Variants in NBAS observed in about 807,000 individuals in gnomAD.
NBAS encodes NBAS subunit of NRZ tethering complex.
In NBAS, 219 loss-of-function variants were observed where a neutral mutation model predicts 302.5. That is an observed-to-expected ratio of 0.72 (90% confidence interval 0.65 to 0.81). The LOEUF (loss-of-function observed/expected upper bound fraction) is 0.81, where lower values mean the gene tolerates loss of function less well. NBAS is among the 30% of genes least tolerant of loss of function. The pLI is 0.00. For synonymous variants in NBAS, 1,118 were observed against 1,021.6 expected (o/e 1.09, Z -1.80); for missense variants, 2,932 against 2,841.6 (o/e 1.03, Z -0.72).
chr2:15,126,549 G>A, the NBAS span, among the ~76,000 whole-genome samples: 97 of 152,246 alleles, frequency 6.4e-4, 1 homozygote, highest in African/African-American at 2.3e-3. Context: ...ACAGATCAGA[G>A]GTACCTCACC....
the NBAS span, among the ~76,000 whole-genome samples, chr2:15,136,028 G>A: frequency 1.9e-4 from 29 of 152,192 alleles, no homozygotes; most frequent in African/African-American, 5.1e-4. Context: ...GAGGGAAAGC[G>A]CCAACACCAA....
At chr2:14,821,167 C>T in the NBAS span, among the ~76,000 whole-genome samples, 10 of 152,226 alleles carry the variant, frequency 6.6e-5, no homozygotes, top group Non-Finnish European at 1.5e-4. Context: ...ACCTCGTGAT[C>T]CGCCCGCCTC....
At chr2:15,244,476 A>G (rs982455683) in intron 44 of NBAS, among the ~76,000 whole-genome samples, 2 of 152,172 alleles carry the variant, frequency 1.3e-5, no homozygotes, top group Non-Finnish European at 2.9e-5. Flanking sequence ...GGAAGCCTTC[A>G]TAATGTCTGT....
chr2:15,144,051 A>ATATATATATTATCC, the NBAS span, among the ~76,000 whole-genome samples: 1 of 136,570 alleles, frequency 7.3e-6, no homozygotes. Context: ...ATATAAAAAT[A>ATATATATATTATCC]TATATATATA....
the NBAS span, among the ~76,000 whole-genome samples, chr2:14,867,838 T>C: frequency 1.3e-5 from 2 of 152,160 alleles, no homozygotes; most frequent in African/African-American, 4.8e-5. Context: ...AATAAAAGAG[T>C]AGAAAGCAAA....
chr2:15,414,059 C>A (rs1216263476), intron 25 of NBAS, among the ~76,000 whole-genome samples: 2 of 152,194 alleles, frequency 1.3e-5, no homozygotes, highest in Non-Finnish European at 2.9e-5. Flanking sequence ...CATCTTGCTT[C>A]TCACAAAGTA....
At chr2:14,996,627 A>G in the NBAS span, among the ~76,000 whole-genome samples, 3 of 152,236 alleles carry the variant, frequency 2.0e-5, no homozygotes, top group Non-Finnish European at 4.4e-5. Flanking sequence ...CTCAGATGCC[A>G]GGAACAACAT....
At chr2:15,358,203 G>A (rs561505609) in intron 32 of NBAS, among the ~76,000 whole-genome samples, 1 of 151,928 alleles carries the variant, frequency 6.6e-6, no homozygotes, top group Non-Finnish European at 1.5e-5. Context: ...CAGCCCAGCC[G>A]GCATACTTTA....
At chr2:15,031,397 T>C in the NBAS span, among the ~76,000 whole-genome samples, 1 of 152,334 alleles carries the variant, frequency 6.6e-6, no homozygotes, top group African/African-American at 2.4e-5. Context: ...CTGCACTACA[T>C]TCTTTGTGGC....
rs139466316 is a variant in NBAS at position 15,216,074 on chromosome 2, T to C, written c.6432+2699A>G. ...GTCATTTTCCCCCATCAAATGCACC[T>C]GTCCTTCAAAATAGATTTCAATCAG... On this transcript the variant is annotated intron_variant, in intron 48 of 51. Transcript: ENST00000281513. Among the ~76,000 whole-genome samples, 683 of 152,318 alleles carry C rather than the reference T, an allele frequency of 4.5e-3. 5 individuals are homozygous for C. The highest frequency in any genetic ancestry group is 0.015 in the African/African-American group (625 of 41,566).
intron 25 of NBAS, among the ~76,000 whole-genome samples, chr2:15,408,535 A>G (rs1427113823): frequency 1.3e-5 from 2 of 152,196 alleles, no homozygotes; most frequent in African/African-American, 2.4e-5. Flanking sequence ...CATGAAGTAC[A>G]TCCTTGAATA....
chr2:15,301,001 T>G (rs1406148643), intron 40 of NBAS, among the ~76,000 whole-genome samples: 1 of 152,140 alleles, frequency 6.6e-6, no homozygotes, highest in African/African-American at 2.4e-5. Flanking sequence ...GAAGCACGGC[T>G]GGAGGGGTAA....
chr2:15,439,320 A>C (rs560654082), intron 21 of NBAS, among the ~76,000 whole-genome samples: 1 of 151,894 alleles, frequency 6.6e-6, no homozygotes, highest in Non-Finnish European at 1.5e-5. Context: ...AAAAAAAAAA[A>C]AAAAAGAATA....
chr2:15,172,255 A>C (rs1439582639), intron 51 of NBAS, among the ~76,000 whole-genome samples: 4 of 152,248 alleles, frequency 2.6e-5, no homozygotes, highest in Non-Finnish European at 2.9e-5. Context: ...ATTTGCAAGA[A>C]TGAATTTTTC....
chr2:15,177,812 C>G (rs769878577), intron 51 of NBAS: 1 of 178,080 alleles, frequency 5.6e-6, no homozygotes, highest in African/African-American at 2.4e-5. Flanking sequence ...AGGCAAGTCC[C>G]CTTGATTCCC....
intron 23 of NBAS, among the ~76,000 whole-genome samples, chr2:15,423,469 T>A (rs1286385031): frequency 6.6e-6 from 1 of 152,158 alleles, no homozygotes; most frequent in African/African-American, 2.4e-5. Context: ...TAAGTAGAAA[T>A]TCATTTTATT....
At chr2:15,273,430 G>A (rs1481893314) in intron 44 of NBAS, among the ~76,000 whole-genome samples, 1 of 152,178 alleles carries the variant, frequency 6.6e-6, no homozygotes, top group Non-Finnish European at 1.5e-5. Flanking sequence ...TTTCTCAAAT[G>A]GTTCCAGGTC....
chr2:15,467,289 T>G (rs1679763656), intron 19 of NBAS, 40 bp downstream of exon 19: 1 of 1,371,360 alleles, frequency 7.3e-7, no homozygotes, highest in African/African-American at 1.4e-5. Flanking sequence ...TAATGACAGA[T>G]CAAATGAACA....
chr2:15,072,905 G>T, the NBAS span, among the ~76,000 whole-genome samples: 2 of 152,168 alleles, frequency 1.3e-5, no homozygotes, highest in African/African-American at 4.8e-5. Context: ...GAGGCAAGTG[G>T]ATCACTTCGA....
Sources: allele counts gnomAD v4.1 joint callset (sites outside exome capture counted in the v4.1 genomes callset), GRCh38; gene constraint gnomAD v4.1.1; transcripts MANE v1.5; gene names NCBI Gene and HGNC (gene_info 2026-07-23, HGNC 2026-07-21).